The following STIL variants were observed in gnomAD, a reference collection of about 807,000 sequenced individuals.
The protein encoded by STIL is SCL-interrupting locus protein.
STIL carries 55 observed loss-of-function variants against 110.1 expected under a neutral mutation model. That is an observed-to-expected ratio of 0.50 (90% CI 0.40 to 0.63). The LOEUF (loss-of-function observed/expected upper bound fraction) is 0.63, where lower values mean the gene tolerates loss of function less well. Ranked by LOEUF, STIL falls within the 20% of genes least tolerant of loss-of-function variation. STIL has a pLI of 0.00. For synonymous variants in STIL, 481 were observed against 530.0 expected, an observed-to-expected ratio of 0.91 and a Z score of 1.27; for missense variants, 1,358 against 1,530.0, an observed-to-expected ratio of 0.89 and a Z score of 1.87.
intron 12 of STIL, among the ~76,000 whole-genome samples, chr1:47,276,291 C>T (rs932270232): frequency 3.2e-4 from 48 of 151,924 alleles, no homozygotes; most frequent in African/African-American, 1.0e-3. Context: ...TGTGAGCCAC[C>T]GCACCTGGTC....
At chr1:47,294,359 T>C (rs1645581043) in intron 7 of STIL, among the ~76,000 whole-genome samples, 1 of 152,246 alleles carries the variant, frequency 6.6e-6, no homozygotes, top group Admixed American at 6.5e-5. Flanking sequence ...TTAAGAAGCT[T>C]TAAACCTCAA....
chr1:47,265,253 A>AAAAAAAAC (rs1644611794), intron 14 of STIL, among the ~76,000 whole-genome samples: 3 of 149,710 alleles, frequency 2.0e-5, no homozygotes, highest in Admixed American at 1.3e-4. Flanking sequence ...AAAAAAAAAA[A>AAAAAAAAC]AAAAAAACAC....
intron 3 of STIL, among the ~76,000 whole-genome samples, chr1:47,304,454 T>C (rs929851473): frequency 1.8e-4 from 27 of 152,240 alleles, no homozygotes; most frequent in African/African-American, 6.0e-4. Context: ...GTAACTCTTA[T>C]GTACAAAACC....
chr1:47,298,631 A>G (rs867331309), intron 6 of STIL, among the ~76,000 whole-genome samples: 11 of 152,278 alleles, frequency 7.2e-5, no homozygotes, highest in Admixed American at 2.0e-4. Flanking sequence ...GTTAAGAAAA[A>G]AAAAAGGCCT....
intron 12 of STIL, among the ~76,000 whole-genome samples, chr1:47,276,637 T>C (rs1645000410): frequency 1.3e-5 from 2 of 151,290 alleles, no homozygotes; most frequent in Admixed American, 6.6e-5. Flanking sequence ...GTGAAACCCC[T>C]GTCTCTACTA....
At chr1:47,284,310 T>C (rs1233569029) in intron 10 of STIL, among the ~76,000 whole-genome samples, 1 of 152,238 alleles carries the variant, frequency 6.6e-6, no homozygotes, top group African/African-American at 2.4e-5. Context: ...TTAAAATGAC[T>C]GTTCCTCATT....
rs1645132175 is a variant in STIL at position 47,280,667 on chromosome 1, G to A, written c.1791C>T (p.Tyr597=). 1.2e-6 allele frequency: 2 copies of A among 1,614,112 alleles called. No individual in the cohort carries two copies. The highest frequency in any genetic ancestry group is 1.3e-5 in the African/African-American group (1 of 74,936). The part of the protein sequence containing the change: ...LQIPTPPLPS[Y]CSTNVCRCCQ... ...AACACCTGCAAACGTTTGTGGAACA[G>A]TAAGATGGCAGTGGGGGAGTAGGTA... The change falls in exon 12 of 17, where the codon TAC becomes TAT. Residue 597 remains tyrosine (Y), a synonymous_variant. Transcript: ENST00000371877.
At chr1:47,308,960 G>T (rs1646044452) in intron 2 of STIL, among the ~76,000 whole-genome samples, 1 of 151,582 alleles carries the variant, frequency 6.6e-6, no homozygotes, top group Non-Finnish European at 1.5e-5. Flanking sequence ...GCTGAGACAC[G>T]AGAATCACTT....
intron 15 of STIL, among the ~76,000 whole-genome samples, chr1:47,261,351 G>A (rs1017727476): frequency 9.2e-5 from 14 of 151,768 alleles, no homozygotes; most frequent in Non-Finnish European, 1.9e-4. Flanking sequence ...TGGCGCCACT[G>A]TACTCCAGCC....
chr1:47,292,071 A>C (rs1414064021), intron 8 of STIL, among the ~76,000 whole-genome samples: 2 of 149,614 alleles, frequency 1.3e-5, no homozygotes, highest in East Asian at 3.9e-4. Flanking sequence ...TATGGTACCC[A>C]GGCTGGTCTG....
chr1:47,251,562 A>G lies in STIL; in HGVS notation c.3441T>C (p.Asp1147=). ...EDEEEPPDNA[D]SKSEYLLNQN... ...GATTCAATAAATATTCACTCTTGCTATCTGCATTGTCGGGAGGTTCCTCTT... is the reference window on the plus strand; with the variant it reads ...GATTCAATAAATATTCACTCTTGCTGTCTGCATTGTCGGGAGGTTCCTCTT... Residue 1147 remains aspartate, a synonymous_variant, in exon 17 of 17, where the codon GAT becomes GAC. Coordinates refer to ENST00000371877, the MANE Select transcript of STIL (RefSeq NM_001048166.1). 1 of 1,614,090 alleles carries G rather than the reference A, an allele frequency of 6.2e-7. No homozygotes were observed. The highest frequency in any genetic ancestry group is 1.3e-5 in the African/African-American group (1 of 75,044).
chr1:47,294,358 T>C lies in STIL; in HGVS notation c.786-814A>G, dbSNP rs1290602280. 3.9e-5 allele frequency among the ~76,000 whole-genome samples: 6 copies of C among 152,232 alleles called. No homozygotes were observed. In the East Asian group the frequency reaches 9.6e-4, roughly 24 times the overall value. The stretch of plus-strand genomic sequence containing the variant: ...TTTGATTTTAAATTCTTTAAGAAGC[T>C]TTAAACCTCAACACATTATCAAGCA... On this transcript the variant is annotated intron_variant, in intron 7 of 16. Transcript: ENST00000371877.
At chr1:47,294,703 TA>T (rs1008746332) in intron 7 of STIL, among the ~76,000 whole-genome samples, 2 of 151,908 alleles carry the variant, frequency 1.3e-5, no homozygotes, top group Admixed American at 6.6e-5. Context: ...TATACATATA[TA>T]AAAAAAAGTA....
chr1:47,280,655 G>A lies in STIL; in HGVS notation c.1803C>T (p.Asn601=), dbSNP rs539764690. The A allele has an allele frequency of 3.7e-6, 6 of 1,614,198 alleles. No homozygotes were observed. The African/African-American group carries it at 4.0e-5, about 11-fold the overall frequency. ...TPPLPSYCST[N]VCRCCQHHSH... is the part of the protein sequence containing the mutation. ...TATGATGCTGACAACACCTGCAAAC[G>A]TTTGTGGAACAGTAAGATGGCAGTG... The change falls in exon 12 of 17, where the codon AAC becomes AAT. Residue 601 remains asparagine, a synonymous_variant. Transcript: ENST00000371877.
chr1:47,284,244 C>T (rs1475030685), intron 10 of STIL, among the ~76,000 whole-genome samples: 2 of 152,140 alleles, frequency 1.3e-5, no homozygotes, highest in South Asian at 4.1e-4. Flanking sequence ...GGAAAAACTT[C>T]AGGTTGTATA....
chr1:47,307,288 C>A (rs1294775431), intron 2 of STIL, among the ~76,000 whole-genome samples: 1 of 152,184 alleles, frequency 6.6e-6, no homozygotes, highest in Non-Finnish European at 1.5e-5. Context: ...TGCACTCCAG[C>A]CTGAGTGACA....
In STIL at chr1:47,280,685, A is replaced by G; in HGVS notation, c.1773T>C (p.Thr591=). 1 of 1,614,146 alleles carries G rather than the reference A, an allele frequency of 6.2e-7. No homozygotes were observed. The highest frequency in any genetic ancestry group is 8.5e-7 in the Non-Finnish European group (1 of 1,180,034). The change falls in exon 12 of 17, where the codon ACT becomes ACC. Residue 591 remains threonine, a synonymous_variant. Coordinates refer to ENST00000371877, the MANE Select transcript of STIL (RefSeq NM_001048166.1). ...SGRPMELQIP[T]PPLPSYCSTN... ...TGGAACAGTAAGATGGCAGTGGGGG[A>G]GTAGGTATCTGAAGTTCCATTGGTC...
intron 2 of STIL, among the ~76,000 whole-genome samples, chr1:47,306,493 A>G (rs184355634): frequency 9.7e-4 from 148 of 152,288 alleles, no homozygotes; most frequent in African/African-American, 3.3e-3. Context: ...GTTTTAAGCA[A>G]TCTTCCCACC....
At chr1:47,290,576 A>G (rs1012317491) in intron 8 of STIL, among the ~76,000 whole-genome samples, 4 of 151,856 alleles carry the variant, frequency 2.6e-5, no homozygotes, top group Admixed American at 6.6e-5. Flanking sequence ...GGTGGCGGGC[A>G]CCTGTAGTCC....
Sources: gnomAD v4.1 joint callset for allele counts (sites outside exome capture counted in the v4.1 genomes callset) on GRCh38, gnomAD v4.1.1 for gene constraint, MANE v1.5 for transcripts, NCBI Gene and HGNC (gene_info 2026-07-23, HGNC 2026-07-21) for gene names.